SLC24A4: variants seen among roughly 807,000 people sequenced by gnomAD.
SLC24A4 encodes solute carrier family 24 member 4, also known as sodium/potassium/calcium exchanger 4.
A neutral mutation model predicts 79.0 loss-of-function variants in SLC24A4; 53 were observed. The observed-to-expected ratio is 0.67, with a 90% CI of 0.54 to 0.84. SLC24A4 has a LOEUF of 0.84. SLC24A4 is among the 40% of genes least tolerant of loss of function. SLC24A4 has a pLI of 0.00. For synonymous variants in SLC24A4, 323 were observed against 323.8 expected (o/e 1.00, Z 0.03); for missense variants, 731 against 822.0 (o/e 0.89, Z 1.35).
In SLC24A4 at chr14:92,416,122, G is replaced by GGTGTGT. The variant is rs34411259; in HGVS notation, c.242-17765_242-17760dup. Among the ~76,000 whole-genome samples, 925 of 148,000 alleles carry GGTGTGT rather than the reference G, an allele frequency of 6.3e-3. 4 individuals carry two copies. The highest frequency in any genetic ancestry group is 0.01 in the Non-Finnish European group (674 of 66,262). On this transcript the variant is annotated intron_variant, in intron 2 of 16. Transcript: ENST00000532405. ...GGAAAGTGTGTGTATTTGTGTGTGT[G>GGTGTGT]GTGTGTGTGTGTGTGTGTGTGTGTG...
At chr14:92,341,599 A>C (rs911835957) in intron 2 of SLC24A4, among the ~76,000 whole-genome samples, 1 of 152,236 alleles carries the variant, frequency 6.6e-6, no homozygotes, top group African/African-American at 2.4e-5. Context: ...ACCTGGCTGC[A>C]GGGCCTCCAC....
intron 2 of SLC24A4, among the ~76,000 whole-genome samples, chr14:92,420,976 T>C (rs1357119246): frequency 2.0e-5 from 3 of 152,114 alleles, no homozygotes; most frequent in Non-Finnish European, 4.4e-5. Flanking sequence ...CCCTCACTGC[T>C]CCTCGGGCTT....
At chr14:92,448,370 A>AC (rs1014478273) in intron 9 of SLC24A4, among the ~76,000 whole-genome samples, 2 of 151,820 alleles carry the variant, frequency 1.3e-5, no homozygotes, top group African/African-American at 4.8e-5. Flanking sequence ...ACACACACAC[A>AC]CACACACACA....
intron 2 of SLC24A4, among the ~76,000 whole-genome samples, chr14:92,411,539 C>G (rs537507027): frequency 1.3e-5 from 2 of 152,162 alleles, no homozygotes; most frequent in South Asian, 4.2e-4. Context: ...CCCAAGAGCC[C>G]GCTGTCTCTC....
At chr14:92,352,070 G>A (rs1268485309) in intron 2 of SLC24A4, among the ~76,000 whole-genome samples, 1 of 152,136 alleles carries the variant, frequency 6.6e-6, no homozygotes, top group Non-Finnish European at 1.5e-5. Context: ...TCCCATTTGA[G>A]CCCCTGCTGT....
Position 92,470,937 on chromosome 14 carries a change from C to T in SLC24A4, c.1256-11743C>T, listed in dbSNP as rs1894409712. On this transcript the variant is annotated intron_variant, in intron 12 of 16. Transcript: ENST00000532405. ...AGGGTTCAGAGGAAACAACAAGACA[C>T]CATCCATCTCTCAGCATTGCTTTCC... Among the ~76,000 whole-genome samples the T allele has an allele frequency of 2.0e-5, 3 of 152,326 alleles. No individual in the cohort carries two copies. In the South Asian group the frequency reaches 6.2e-4, roughly 32 times the overall value.
chr14:92,377,567 G>A (rs981875289), intron 2 of SLC24A4, among the ~76,000 whole-genome samples: 1 of 152,184 alleles, frequency 6.6e-6, no homozygotes, highest in Non-Finnish European at 1.5e-5. Context: ...GGAGACAGCC[G>A]TGGCTGCAAT....
chr14:92,461,381 G>A (rs965533042), intron 12 of SLC24A4, among the ~76,000 whole-genome samples: 12 of 152,182 alleles, frequency 7.9e-5, no homozygotes, highest in Non-Finnish European at 1.2e-4. Flanking sequence ...AGCTCAGGCC[G>A]TCCTAACAGA....
At chr14:92,431,054 G>C (rs1019349270) in intron 2 of SLC24A4, among the ~76,000 whole-genome samples, 3 of 152,202 alleles carry the variant, frequency 2.0e-5, no homozygotes, top group African/African-American at 7.2e-5. Flanking sequence ...ACTGCTCCAG[G>C]CTTCAGATTC....
chr14:92,387,767 A>T (rs1373040932), intron 2 of SLC24A4, among the ~76,000 whole-genome samples: 1 of 152,218 alleles, frequency 6.6e-6, no homozygotes, highest in East Asian at 1.9e-4. Flanking sequence ...GTCTCTAAGA[A>T]CTTGGCTGCT....
chr14:92,431,510 C>T (rs1444615602), intron 2 of SLC24A4, among the ~76,000 whole-genome samples: 2 of 152,230 alleles, frequency 1.3e-5, no homozygotes, highest in Non-Finnish European at 2.9e-5. Context: ...CCACCCCCTT[C>T]ACCATGCCAG....
At chr14:92,372,556 G>T (rs1179464328) in intron 2 of SLC24A4, among the ~76,000 whole-genome samples, 1 of 152,152 alleles carries the variant, frequency 6.6e-6, no homozygotes, top group Non-Finnish European at 1.5e-5. Context: ...GTGTGTTAGG[G>T]CCTGAGCACA....
At chr14:92,422,298 T>C (rs1595255556) in intron 2 of SLC24A4, among the ~76,000 whole-genome samples, 1 of 152,220 alleles carries the variant, frequency 6.6e-6, no homozygotes, top group Non-Finnish European at 1.5e-5. Flanking sequence ...CTAGTGGAGG[T>C]AACAAGCATC....
intron 12 of SLC24A4, among the ~76,000 whole-genome samples, chr14:92,481,356 C>T (rs1895063672): frequency 6.6e-6 from 1 of 152,204 alleles, no homozygotes; most frequent in Non-Finnish European, 1.5e-5. Flanking sequence ...TCTGCCACTT[C>T]CAGCAACATG....
intron 2 of SLC24A4, among the ~76,000 whole-genome samples, chr14:92,346,830 T>A (rs1886561120): frequency 6.6e-6 from 1 of 152,102 alleles, no homozygotes; most frequent in Admixed American, 6.5e-5. Flanking sequence ...TTTCCCCCGG[T>A]GATCAAATGT....
At position 92,408,476 on chromosome 14, in the gene SLC24A4, T is replaced by C. The variant is rs1355986753; in HGVS notation, c.242-25436T>C. 5.2e-6 allele frequency: 5 copies of C among 964,766 alleles called. No homozygotes were observed. In the East Asian group the frequency reaches 4.6e-4, roughly 88 times the overall value. The allele number at this position is 964,766 out of a possible 1,614,324, so 59.8% of individuals were successfully genotyped here. A position where few individuals can be genotyped will look rare whatever the true frequency, so the allele number is the denominator to read the frequency against. On this transcript the variant is annotated intron_variant, in intron 2 of 16. Coordinates refer to ENST00000532405, the MANE Select transcript of SLC24A4 (RefSeq NM_153646.4). ...TTGGAAGCCTTCATAGGTGGGCTGA[T>C]TGTTTTAATGATGGCTGTGAGGAGT...
At position 92,496,410 on chromosome 14, in the gene SLC24A4, A is replaced by G. The variant is rs994698602; in HGVS notation, c.*2782A>G. 6.6e-5 allele frequency: 10 copies of G among 152,302 alleles called. No homozygotes were observed. Among genetic ancestry groups the G allele is most frequent in the African/African-American group, 2.4e-4 (10 of 41,568 alleles). The allele number at this position is 152,302 out of a possible 1,614,324, so 9.4% of individuals were successfully genotyped here. On this transcript the variant is annotated 3_prime_UTR_variant, in exon 17 of 17. Transcript: ENST00000532405. ...TATTCCCAAAGCTCATTAGCATGGG[A>G]TAATTACTCTGCTACAGAAATAGGC... is the stretch of plus-strand genomic sequence containing the variant.
At chr14:92,399,261 G>C (rs1380810546) in intron 2 of SLC24A4, among the ~76,000 whole-genome samples, 1 of 152,148 alleles carries the variant, frequency 6.6e-6, no homozygotes, top group Admixed American at 6.5e-5. Flanking sequence ...CTATAAACTT[G>C]CTTATGCGGC....
rs1021264265 is a variant in SLC24A4, at chr14:92,495,331, T to A, written c.*1703T>A. On this transcript the variant is annotated 3_prime_UTR_variant, in exon 17 of 17. Coordinates refer to ENST00000532405, the MANE Select transcript of SLC24A4 (RefSeq NM_153646.4). ...CTCACCCCCACCACCAGGCTTCTAT[T>A]TGGGATTCACATCAGTATTAGTATC... 1.3e-5 allele frequency: 2 copies of A among 152,164 alleles called. No homozygotes were observed. Among genetic ancestry groups the A allele is most frequent in the South Asian group, 2.1e-4 (1 of 4,820 alleles). The allele number at this position is 152,164 out of a possible 1,614,324, so 9.4% of individuals were successfully genotyped here.
Sources: allele counts gnomAD v4.1 joint callset (sites outside exome capture counted in the v4.1 genomes callset), GRCh38; gene constraint gnomAD v4.1.1; transcripts MANE v1.5; gene names NCBI Gene and HGNC (gene_info 2026-07-23, HGNC 2026-07-21).